The following CAB39L variants were observed in gnomAD, a reference collection of about 807,000 sequenced individuals.
The protein encoded by CAB39L is calcium binding protein 39 like, also known as calcium-binding protein 39-like.
A neutral mutation model predicts 39.1 loss-of-function variants in CAB39L; 23 were observed. The observed-to-expected ratio is 0.59, with a 90% CI of 0.42 to 0.83. The LOEUF is 0.83. Among genes scored for constraint, CAB39L ranks in the 40% least tolerant of loss-of-function variants. The probability of loss-of-function intolerance (pLI) is 0.00; values close to 1 mark genes in which losing one functional copy is unlikely to be tolerated. For missense variants in CAB39L, 366 were observed against 391.9 expected (o/e 0.93, Z 0.56); for synonymous variants, 126 against 137.2 (o/e 0.92, Z 0.57).
chr13:49,357,700 T>C (rs1009481788), intron 6 of CAB39L, among the ~76,000 whole-genome samples: 1 of 152,218 alleles, frequency 6.6e-6, no homozygotes, highest in Non-Finnish European at 1.5e-5. Flanking sequence ...GTTCTGATGA[T>C]AATCTCTTCC....
intron 3 of CAB39L, among the ~76,000 whole-genome samples, chr13:49,412,699 G>T (rs1280398835): frequency 1.3e-5 from 2 of 152,062 alleles, no homozygotes; most frequent in Admixed American, 6.6e-5. Flanking sequence ...ATTCTTCCAC[G>T]GACCTGGAGG....
At chr13:49,402,808 T>A (rs1234596881) in intron 3 of CAB39L, among the ~76,000 whole-genome samples, 1 of 152,194 alleles carries the variant, frequency 6.6e-6, no homozygotes, top group Non-Finnish European at 1.5e-5. Context: ...TCTTAGCACC[T>A]ATTAAATAGG....
chr13:49,339,256 G>A (rs559093850), intron 9 of CAB39L, among the ~76,000 whole-genome samples: 135 of 149,484 alleles, frequency 9.0e-4, no homozygotes, highest in African/African-American at 2.7e-3. Context: ...TCAGCCTCCC[G>A]AGTAGCTGAG....
chr13:49,371,721 T>G (rs1955923546), intron 5 of CAB39L, among the ~76,000 whole-genome samples: 1 of 152,014 alleles, frequency 6.6e-6, no homozygotes, highest in African/African-American at 2.4e-5. Flanking sequence ...CTTAGCCTCC[T>G]GAGTAGCTGG....
In CAB39L at chr13:49,365,852, A is replaced by G. The variant is rs183763279; in HGVS notation, c.277-6020T>C. 3.3e-3 allele frequency among the ~76,000 whole-genome samples: 502 copies of G among 152,330 alleles called. 1 individual carries two copies. Among genetic ancestry groups the G allele is most frequent in the Non-Finnish European group, 5.9e-3 (400 of 68,022 alleles). On this transcript the variant is annotated intron_variant, in intron 5 of 10. Transcript: ENST00000409308. ...CAAAGAGATATCTACACTCCCATAT[A>G]TGTTGCAGTATTGTTCACAATAGCC...
chr13:49,359,775 G>A lies in CAB39L; in HGVS notation c.334C>T (p.Arg112Trp), dbSNP rs767628052. The A allele has an allele frequency of 1.5e-5, 24 of 1,613,100 alleles. No homozygotes were observed. The highest frequency in any genetic ancestry group is 6.7e-5 in the African/African-American group (5 of 74,900). The change falls in exon 6 of 11, where the codon CGG (arginine) becomes TGG (tryptophan). Residue 112 changes from arginine (R) to tryptophan (W), a missense_variant. Physicochemically the swap from Arg to Trp is moderately radical, Grantham distance 101 (BLOSUM62 -3). Transcript: ENST00000409308. ...NNILRRQIGT[R>W]SPTVEYISAH... ...CTAATATACTCCACAGTAGGACTCC[G>A]AGTGCCTATCTGTCTTCTCAAGATG... is the stretch of plus-strand genomic sequence containing the variant.
intron 3 of CAB39L, among the ~76,000 whole-genome samples, chr13:49,416,781 G>A: frequency 6.6e-6 from 1 of 152,174 alleles, no homozygotes; most frequent in Non-Finnish European, 1.5e-5. Flanking sequence ...ACTCAGAATA[G>A]TGCCTGGTAC....
chr13:49,356,139 T>C (rs1389915516), intron 6 of CAB39L, among the ~76,000 whole-genome samples: 1 of 152,210 alleles, frequency 6.6e-6, no homozygotes, highest in Non-Finnish European at 1.5e-5. Flanking sequence ...TATAGTGGAT[T>C]AGACTGTCAC....
At chr13:49,382,574 G>C (rs566687679) in intron 4 of CAB39L, 7 of 415,540 alleles carry the variant, frequency 1.7e-5, no homozygotes, top group Middle Eastern at 6.7e-4. Flanking sequence ...GTGTAGTCTA[G>C]AGGGATCCGG....
intron 3 of CAB39L, among the ~76,000 whole-genome samples, chr13:49,419,812 A>G (rs1291488503): frequency 6.6e-6 from 1 of 152,196 alleles, no homozygotes; most frequent in East Asian, 1.9e-4. Flanking sequence ...AAATCTGAAC[A>G]AAGAGCTCAA....
chr13:49,390,251 T>C (rs1447193559), intron 3 of CAB39L, among the ~76,000 whole-genome samples: 2 of 152,116 alleles, frequency 1.3e-5, no homozygotes, highest in African/African-American at 2.4e-5. Flanking sequence ...CCATTTCATA[T>C]TTAAAAAAAA....
intron 1 of CAB39L, among the ~76,000 whole-genome samples, chr13:49,438,284 A>AT (rs1555267878): frequency 6.6e-6 from 1 of 151,872 alleles, no homozygotes; most frequent in South Asian, 2.1e-4. Context: ...TTTTCCTCCC[A>AT]TTTTTTTGCG....
intron 3 of CAB39L, among the ~76,000 whole-genome samples, chr13:49,422,563 ACT>A (rs1451033739): frequency 2.0e-5 from 3 of 151,876 alleles, no homozygotes; most frequent in Non-Finnish European, 2.9e-5. Context: ...ACAGAGCGAG[ACT>A]CTGTCTCAAA....
chr13:49,324,473 A>T (rs554963448), intron 10 of CAB39L, among the ~76,000 whole-genome samples: 2 of 152,256 alleles, frequency 1.3e-5, no homozygotes, highest in Admixed American at 6.5e-5. Context: ...AACAAATCAG[A>T]GGAAAATTCC....
At chr13:49,418,586 G>C (rs1957121581) in intron 3 of CAB39L, among the ~76,000 whole-genome samples, 1 of 151,876 alleles carries the variant, frequency 6.6e-6, no homozygotes, top group African/African-American at 2.4e-5. Context: ...TTATTTTTTT[G>C]AGACACAGTC....
At chr13:49,370,401 A>T (rs74072539) in intron 5 of CAB39L, among the ~76,000 whole-genome samples, 4 of 152,048 alleles carry the variant, frequency 2.6e-5, no homozygotes, top group African/African-American at 9.7e-5. Context: ...TAGGCCACAT[A>T]GTGAAAAATA....
intron 1 of CAB39L, among the ~76,000 whole-genome samples, chr13:49,436,553 C>CTTTTT (rs57141770): frequency 1.4e-5 from 1 of 73,428 alleles, no homozygotes; most frequent in Non-Finnish European, 2.3e-5. Context: ...TTCTTTATGA[C>CTTTTT]TTTTTTTTTT....
chr13:49,388,962 C>G (rs7335977), intron 3 of CAB39L, among the ~76,000 whole-genome samples: 82,745 of 151,964 alleles, frequency 0.54, 23,909 homozygotes, highest in African/African-American at 0.72. Flanking sequence ...CCAACAAAAG[C>G]GGGGGAACAT....
chr13:49,414,570 G>A (rs1957048877), intron 3 of CAB39L, among the ~76,000 whole-genome samples: 1 of 152,050 alleles, frequency 6.6e-6, no homozygotes, highest in Non-Finnish European at 1.5e-5. Context: ...AATATTTTAA[G>A]TGCCATATAT....
Sources: gnomAD v4.1 joint callset for allele counts (sites outside exome capture counted in the v4.1 genomes callset) on GRCh38, gnomAD v4.1.1 for gene constraint, MANE v1.5 for transcripts, NCBI Gene and HGNC (gene_info 2026-07-23, HGNC 2026-07-21) for gene names.